Variants in ACCSL observed in about 807,000 individuals in gnomAD.
The protein encoded by ACCSL is 1-aminocyclopropane-1-carboxylate synthase homolog (inactive) like.
ACCSL carries 55 observed loss-of-function variants against 61.7 expected under a neutral mutation model. That is an observed-to-expected ratio of 0.89 (90% CI 0.72 to 1.12). The LOEUF (loss-of-function observed/expected upper bound fraction) is 1.12. Among genes scored for constraint, ACCSL ranks in the 50% most tolerant of loss-of-function variants. The pLI is 0.00. For synonymous variants in ACCSL, 258 were observed against 264.3 expected, an observed-to-expected ratio of 0.98 and a Z score of 0.23; for missense variants, 632 against 698.0, an observed-to-expected ratio of 0.91 and a Z score of 1.07.
At chr11:43,962,312 C>A in the ACCSL span, among the ~76,000 whole-genome samples, 2 of 152,182 alleles carry the variant, frequency 1.3e-5, no homozygotes, top group Non-Finnish European at 2.9e-5. Flanking sequence ...AAAGGGAGAT[C>A]TTGTACCTTC....
At chr11:43,973,265 G>A in the ACCSL span, among the ~76,000 whole-genome samples, 1 of 152,166 alleles carries the variant, frequency 6.6e-6, no homozygotes, top group Non-Finnish European at 1.5e-5. Flanking sequence ...ACTATTTTAG[G>A]CAAATAAGTA....
At chr11:43,974,967 G>A in the ACCSL span, among the ~76,000 whole-genome samples, 2 of 152,168 alleles carry the variant, frequency 1.3e-5, no homozygotes, top group Non-Finnish European at 2.9e-5. Flanking sequence ...ACTAATTTTG[G>A]TGTAATTTGC....
chr11:44,040,829 T>C, the ACCSL span, among the ~76,000 whole-genome samples: 1 of 152,108 alleles, frequency 6.6e-6, no homozygotes, highest in African/African-American at 2.4e-5. Context: ...CAAAAGTGAA[T>C]GCCAAGCTTT....
At chr11:44,007,677 GGCACTCAACTTCTCTGA>G in the ACCSL span, among the ~76,000 whole-genome samples, 3 of 152,104 alleles carry the variant, frequency 2.0e-5, no homozygotes, top group Non-Finnish European at 4.4e-5. Context: ...CCTTGGGCTG[GGCACTCAACTTCTCTGA>G]GCCCCAGAGC....
chr11:43,961,221 G>T, the ACCSL span, among the ~76,000 whole-genome samples: 1 of 151,940 alleles, frequency 6.6e-6, no homozygotes, highest in Admixed American at 6.6e-5. Context: ...ATTATTCTTT[G>T]TGACTGAAAA....
At chr11:43,970,915 C>CAATACCTA in the ACCSL span, among the ~76,000 whole-genome samples, 1 of 152,188 alleles carries the variant, frequency 6.6e-6, no homozygotes, top group African/African-American at 2.4e-5. Flanking sequence ...TAGTTGCTAG[C>CAATACCTA]ACAATACCTA....
At chr11:44,040,732 G>A in the ACCSL span, among the ~76,000 whole-genome samples, 1 of 152,176 alleles carries the variant, frequency 6.6e-6, no homozygotes, top group Non-Finnish European at 1.5e-5. Flanking sequence ...TAGAGTGAGA[G>A]AGGTACTTTG....
chr11:44,048,379 G>A lies in ACCSL; in HGVS notation c.343G>A (p.Gly115Arg), dbSNP rs1401218250. The change falls in exon 1 of 14, where the codon GGG becomes AGG. Residue 115 changes from glycine (G) to arginine (R), a missense_variant. By Grantham distance (125) the Gly-to-Arg change is moderately radical. Coordinates refer to ENST00000378832, the MANE Select transcript of ACCSL (RefSeq NM_001031854.2). ...ATATGGGCAGAGGGCCCAACTCTCT[G>A]GGCAGCCTGATCCAGTTCCCCAACT... ...VRYGQRAQLS[G>R]QPDPVPQLSD... The A allele has an allele frequency of 2.5e-6, 4 of 1,613,984 alleles. No homozygotes were observed. Among genetic ancestry groups the A allele is most frequent in the Admixed American group, 1.7e-5 (1 of 59,996 alleles).
chr11:44,029,278 G>A, the ACCSL span, among the ~76,000 whole-genome samples: 1 of 152,350 alleles, frequency 6.6e-6, no homozygotes, highest in Non-Finnish European at 1.5e-5. Flanking sequence ...CTCCCCTCCA[G>A]CCATCCAGCT....
the ACCSL span, among the ~76,000 whole-genome samples, chr11:43,962,481 A>G: frequency 2.5e-4 from 38 of 152,356 alleles, no homozygotes; most frequent in Middle Eastern, 3.4e-3. Flanking sequence ...AAGTGTCTAG[A>G]GCAGCAGGGG....
chr11:43,953,380 G>A, the ACCSL span, among the ~76,000 whole-genome samples: 60 of 147,550 alleles, frequency 4.1e-4, 1 homozygote, highest in African/African-American at 1.5e-3. Flanking sequence ...AAATTGGCCA[G>A]GCGTGTGGTG....
At chr11:43,937,019 A>G in the ACCSL span, among the ~76,000 whole-genome samples, 1 of 152,054 alleles carries the variant, frequency 6.6e-6, no homozygotes, top group Admixed American at 6.5e-5. Context: ...CTGGGCCAGG[A>G]TGGGGAACCT....
At chr11:44,004,018 C>A in the ACCSL span, among the ~76,000 whole-genome samples, 2 of 152,126 alleles carry the variant, frequency 1.3e-5, no homozygotes, top group African/African-American at 4.8e-5. Context: ...AGAGCCAGAC[C>A]CCTATCCTGG....
chr11:43,975,746 A>G, the ACCSL span, among the ~76,000 whole-genome samples: 1 of 152,230 alleles, frequency 6.6e-6, no homozygotes, highest in Non-Finnish European at 1.5e-5. Flanking sequence ...GGGCTGTCAA[A>G]TTTATACAAA....
At chr11:44,000,438 TAAA>T in the ACCSL span, among the ~76,000 whole-genome samples, 6 of 142,646 alleles carry the variant, frequency 4.2e-5, no homozygotes, top group African/African-American at 1.6e-4. Context: ...GTCTCTATTT[TAAA>T]AAAAAAAAGC....
At chr11:44,018,205 C>T in the ACCSL span, among the ~76,000 whole-genome samples, 1 of 151,974 alleles carries the variant, frequency 6.6e-6, no homozygotes, top group Non-Finnish European at 1.5e-5. Context: ...CTTAAGGAGA[C>T]CAAAGATGCA....
chr11:43,975,086 G>A, the ACCSL span, among the ~76,000 whole-genome samples: 1 of 152,184 alleles, frequency 6.6e-6, no homozygotes, highest in African/African-American at 2.4e-5. Context: ...GTGGGCAGAA[G>A]CTGGAAGGAC....
chr11:43,972,384 T>C, the ACCSL span, among the ~76,000 whole-genome samples: 1 of 152,270 alleles, frequency 6.6e-6, no homozygotes, highest in East Asian at 1.9e-4. Flanking sequence ...TGGAAACCCA[T>C]GAAAGGGGAC....
the ACCSL span, among the ~76,000 whole-genome samples, chr11:44,010,940 G>A: frequency 2.0e-5 from 3 of 152,188 alleles, no homozygotes; most frequent in Non-Finnish European, 4.4e-5. Context: ...GGTGACTCAA[G>A]TTAGGCAAAT....
Sources: allele counts gnomAD v4.1 joint callset (sites outside exome capture counted in the v4.1 genomes callset), GRCh38; gene constraint gnomAD v4.1.1; transcripts MANE v1.5; gene names NCBI Gene and HGNC (gene_info 2026-07-23, HGNC 2026-07-21).